The following TBL1X variants were observed in gnomAD, a reference collection of about 807,000 sequenced individuals.
TBL1X encodes transducin beta like 1 X-linked.
In TBL1X, 10 loss-of-function variants were observed where a neutral mutation model predicts 50.7. The ratio of observed to expected loss-of-function variants is 0.20; its 90% CI spans 0.12 to 0.33. The LOEUF is 0.33. Ranked by LOEUF, TBL1X falls within the 10% of genes least tolerant of loss-of-function variation. The probability of loss-of-function intolerance (pLI) is 1.00; values close to 1 mark genes in which losing one functional copy is unlikely to be tolerated. For synonymous variants in TBL1X, 190 were observed against 214.7 expected (o/e 0.88, Z 1.01); for missense variants, 340 against 504.4 (o/e 0.67, Z 3.12).
intron 3 of TBL1X, among the ~76,000 whole-genome samples, chrX:9,653,000 A>G (rs936555514): frequency 1.5e-4 from 17 of 111,296 alleles, no homozygotes; most frequent in African/African-American, 5.6e-4. Context: ...CCCCGTCTCT[A>G]CAAAAAATAC....
chrX:9,699,177 C>G (rs1020290803), intron 12 of TBL1X, among the ~76,000 whole-genome samples: 1 of 111,222 alleles, frequency 9.0e-6, no homozygotes, highest in African/African-American at 3.3e-5. Context: ...AACGGGGTTT[C>G]GCCATGTTGG....
intron 2 of TBL1X, among the ~76,000 whole-genome samples, chrX:9,597,774 G>A (rs1395215608): frequency 8.9e-6 from 1 of 112,212 alleles, no homozygotes; most frequent in Admixed American, 9.5e-5. Context: ...TTCCACTGAT[G>A]TGAGCCCAAG....
At chrX:9,685,717 C>CTTTTTTTTTTTTTTTTTTTTT (rs752837096) in intron 6 of TBL1X, among the ~76,000 whole-genome samples, 1 of 59,649 alleles carries the variant, frequency 1.7e-5, no homozygotes, top group Non-Finnish European at 2.9e-5. Flanking sequence ...CTTTTCTTTT[C>CTTTTTTTTTTTTTTTTTTTTT]TTTTTTTTTT....
intron 2 of TBL1X, among the ~76,000 whole-genome samples, chrX:9,594,260 TCAAA>T (rs1336769430): frequency 8.9e-6 from 1 of 112,626 alleles, no homozygotes; most frequent in Non-Finnish European, 1.9e-5. Flanking sequence ...AGAATATACC[TCAAA>T]CAGTTTTTTA....
At chrX:9,563,460 G>C (rs1412901661) in intron 2 of TBL1X, among the ~76,000 whole-genome samples, 1 of 112,508 alleles carries the variant, frequency 8.9e-6, no homozygotes, top group Admixed American at 9.4e-5. Flanking sequence ...GGTGGGATTT[G>C]GAAATTATAC....
Position 9,605,774 on chromosome X carries a change from G to A in TBL1X, c.-130-34499G>A, listed in dbSNP as rs1372368395. ...AAGACAGTTCCAGTCTGTGTGCTAG[G>A]GCTTTTGTTTGCATGCTTGCTTGAA... is the stretch of plus-strand genomic sequence containing the variant. On this transcript the variant is annotated intron_variant, in intron 2 of 17. Coordinates refer to ENST00000645353, the MANE Select transcript of TBL1X (RefSeq NM_005647.4). 2.7e-5 allele frequency among the ~76,000 whole-genome samples: 3 copies of A among 112,364 alleles called. 1 individual carries two copies. The Admixed American group carries it at 2.8e-4, about 11-fold the overall frequency.
chrX:9,545,487 G>C (rs1459587114), intron 2 of TBL1X, among the ~76,000 whole-genome samples: 1 of 108,560 alleles, frequency 9.2e-6, no homozygotes, highest in Non-Finnish European at 1.9e-5. Context: ...TTCAAGGCTT[G>C]TGAGCCTTGA....
At chrX:9,643,927 G>A (rs906731019) in intron 3 of TBL1X, among the ~76,000 whole-genome samples, 2 of 111,658 alleles carry the variant, frequency 1.8e-5, no homozygotes, top group Non-Finnish European at 3.8e-5. Flanking sequence ...TTGGGGGATG[G>A]GGCACCGCCT....
chrX:9,568,874 CG>C (rs1282486618), intron 2 of TBL1X, among the ~76,000 whole-genome samples: 2 of 101,339 alleles, frequency 2.0e-5, no homozygotes, highest in East Asian at 6.5e-4. Flanking sequence ...GTGTTGTGTC[CG>C]TCTGTGCACC....
intron 2 of TBL1X, among the ~76,000 whole-genome samples, chrX:9,521,913 A>G (rs1281190470): frequency 2.7e-5 from 3 of 111,957 alleles, no homozygotes; most frequent in Non-Finnish European, 3.8e-5. Context: ...TCTAGTAGCC[A>G]TATCTGGCTA....
chrX:9,532,983 A>T (rs1212936037), intron 2 of TBL1X, among the ~76,000 whole-genome samples: 1 of 111,247 alleles, frequency 9.0e-6, no homozygotes, highest in Non-Finnish European at 1.9e-5. Context: ...AGGGCTGGGG[A>T]CGGGCAGTGT....
chrX:9,477,552 T>G (rs910002150), intron 1 of TBL1X, among the ~76,000 whole-genome samples: 4 of 112,255 alleles, frequency 3.6e-5, no homozygotes, highest in African/African-American at 1.3e-4. Context: ...TTGTTCCATT[T>G]GGCTTTGCCA....
chrX:9,576,695 T>TAAAA (rs146596930), intron 2 of TBL1X, among the ~76,000 whole-genome samples: 4 of 72,378 alleles, frequency 5.5e-5, no homozygotes, highest in African/African-American at 1.1e-4. Flanking sequence ...AGCACTACAT[T>TAAAA]AAAAAAAAAA....
intron 2 of TBL1X, among the ~76,000 whole-genome samples, chrX:9,567,394 G>T (rs1569058603): frequency 9.0e-6 from 1 of 111,117 alleles, no homozygotes; most frequent in African/African-American, 3.3e-5. Context: ...TGAAGAAGTG[G>T]CCAGAAGAGT....
chrX:9,697,267 G>A (rs1239481332), intron 11 of TBL1X, 102 bp from the exon 12 acceptor site: 15 of 1,063,650 alleles, frequency 1.4e-5, no homozygotes, highest in East Asian at 1.2e-4. Flanking sequence ...GGACAGTGCC[G>A]GTTTATAAGG....
chrX:9,581,245 C>T (rs998038619), intron 2 of TBL1X, among the ~76,000 whole-genome samples: 1 of 112,186 alleles, frequency 8.9e-6, no homozygotes, highest in Non-Finnish European at 1.9e-5. Flanking sequence ...ATTTTGCCTT[C>T]CTGAAAGGCC....
At chrX:9,603,101 A>G (rs1373603262) in intron 2 of TBL1X, among the ~76,000 whole-genome samples, 1 of 112,427 alleles carries the variant, frequency 8.9e-6, no homozygotes, top group Non-Finnish European at 1.9e-5. Context: ...GATCCTTTCC[A>G]GAAGTGTATC....
At chrX:9,639,175 C>T (rs763585405) in intron 2 of TBL1X, among the ~76,000 whole-genome samples, 2 of 110,415 alleles carry the variant, frequency 1.8e-5, no homozygotes, top group South Asian at 3.8e-4. Flanking sequence ...TTTTAATCTC[C>T]TTCCTTTAAA....
At chrX:9,532,556 T>C (rs1170268538) in intron 2 of TBL1X, among the ~76,000 whole-genome samples, 2 of 111,190 alleles carry the variant, frequency 1.8e-5, no homozygotes, top group South Asian at 7.6e-4. Context: ...CGGGCTTGCC[T>C]TAGTCTCCTG....
Sources: allele counts gnomAD v4.1 joint callset (sites outside exome capture counted in the v4.1 genomes callset), GRCh38; gene constraint gnomAD v4.1.1; transcripts MANE v1.5; gene names NCBI Gene and HGNC (gene_info 2026-07-23, HGNC 2026-07-21).